The following CYSTM1 variants were observed in gnomAD, a reference collection of about 807,000 sequenced individuals.
CYSTM1 encodes cysteine-rich transmembrane module-containing protein 1.
A neutral mutation model predicts 13.1 loss-of-function variants in CYSTM1; 4 were observed. That is an observed-to-expected ratio of 0.31 (90% confidence interval 0.15 to 0.70). The LOEUF is 0.70. Among genes scored for constraint, CYSTM1 ranks in the 30% least tolerant of loss-of-function variants. The pLI is 0.72. For synonymous variants in CYSTM1, 36 were observed against 42.7 expected, an observed-to-expected ratio of 0.84 and a Z score of 0.62; for missense variants, 96 against 121.6, an observed-to-expected ratio of 0.79 and a Z score of 0.99.
At chr5:140,211,521 G>C (rs747716808) in intron 2 of CYSTM1, among the ~76,000 whole-genome samples, 29 of 152,178 alleles carry the variant, frequency 1.9e-4, no homozygotes, top group Non-Finnish European at 2.9e-5. Context: ...TCTTGTCTAT[G>C]ATCCCCCAGA....
intron 2 of CYSTM1, 101 bp downstream of exon 2, chr5:140,194,753 CT>C (rs2126657562): frequency 7.1e-7 from 1 of 1,417,104 alleles, no homozygotes. Context: ...GCCTTTGCAA[CT>C]TGTGCTTGAT....
intron 2 of CYSTM1, chr5:140,202,572 G>T (rs181299510): frequency 6.6e-6 from 1 of 152,218 alleles, no homozygotes; most frequent in Non-Finnish European, 1.5e-5. Context: ...AGGCTGGAAC[G>T]TAGATAATGA....
chr5:140,239,931 T>G lies in CYSTM1; in HGVS notation c.188-3374T>G, dbSNP rs368321157. ...GAATAGGGTGGTCTGAGACACTAGA[T>G]AGCGAATGAGGGATGAGCCTTTTGG... On this transcript the variant is annotated intron_variant, in intron 2 of 2. Coordinates refer to ENST00000261811, the MANE Select transcript of CYSTM1 (RefSeq NM_032412.4). The surrounding 1 kb of genome is among the most constrained non-coding windows in gnomAD (Gnocchi z 5.4). Among the ~76,000 whole-genome samples the G allele has an allele frequency of 2.8e-3, 428 of 152,212 alleles. 2 individuals are homozygous for G. The highest frequency in any genetic ancestry group is 0.019 in the South Asian group (91 of 4,822).
intron 1 of CYSTM1, among the ~76,000 whole-genome samples, chr5:140,176,870 C>CGAGGTTAGTCA (rs1226710493): frequency 2.0e-5 from 3 of 151,972 alleles, no homozygotes; most frequent in African/African-American, 7.3e-5. Flanking sequence ...GAGATCGAGA[C>CGAGGTTAGTCA]CATCCTGACT....
chr5:140,238,247 G>GC (rs1169359998), intron 2 of CYSTM1, among the ~76,000 whole-genome samples: 1 of 152,180 alleles, frequency 6.6e-6, no homozygotes, highest in Non-Finnish European at 1.5e-5. Context: ...AAAGGCAGCT[G>GC]CTGTTGTGGA....
intron 2 of CYSTM1, among the ~76,000 whole-genome samples, chr5:140,213,358 T>G (rs980364726): frequency 6.6e-6 from 1 of 152,304 alleles, no homozygotes; most frequent in East Asian, 1.9e-4. Context: ...ATAATATATT[T>G]ATGTTTTAAG....
chr5:140,206,881 C>T (rs1029120100), intron 2 of CYSTM1, among the ~76,000 whole-genome samples: 4 of 152,132 alleles, frequency 2.6e-5, no homozygotes, highest in African/African-American at 9.7e-5. Context: ...GTGATCTGCC[C>T]GCCTCAGACT....
chr5:140,216,938 C>T (rs976249631), intron 2 of CYSTM1, among the ~76,000 whole-genome samples: 7 of 152,116 alleles, frequency 4.6e-5, no homozygotes, highest in Admixed American at 2.0e-4. Flanking sequence ...GGGGGTTGTA[C>T]CTGAGCTTTC....
chr5:140,216,910 C>A (rs1417086750), intron 2 of CYSTM1, among the ~76,000 whole-genome samples: 1 of 151,986 alleles, frequency 6.6e-6, no homozygotes, highest in Non-Finnish European at 1.5e-5. Flanking sequence ...ACACAAAGAG[C>A]ATACGCATTC....
At chr5:140,177,403 T>C (rs928783352) in intron 1 of CYSTM1, among the ~76,000 whole-genome samples, 1 of 152,180 alleles carries the variant, frequency 6.6e-6, no homozygotes, top group African/African-American at 2.4e-5. Context: ...GAGCTGTCTA[T>C]TTTATATTGA....
At chr5:140,182,967 C>T (rs924253412) in intron 1 of CYSTM1, among the ~76,000 whole-genome samples, 2 of 152,152 alleles carry the variant, frequency 1.3e-5, no homozygotes, top group African/African-American at 4.8e-5. Flanking sequence ...GTCAGGAGAG[C>T]GTGCTTTCAT....
At chr5:140,214,545 C>A (rs902283507) in intron 2 of CYSTM1, among the ~76,000 whole-genome samples, 2 of 152,162 alleles carry the variant, frequency 1.3e-5, no homozygotes, top group Non-Finnish European at 2.9e-5. Context: ...GCTTCCAGAC[C>A]AGATGGCCTT....
At chr5:140,231,087 C>T (rs961754573) in intron 2 of CYSTM1, among the ~76,000 whole-genome samples, 5 of 152,184 alleles carry the variant, frequency 3.3e-5, no homozygotes, top group Admixed American at 2.0e-4. Context: ...GTCTTCCCAC[C>T]ATGAACAAGT....
rs570623098 is a variant in CYSTM1 at position 140,229,670 on chromosome 5, GATTT to G, written c.188-13624_188-13621del. Among the ~76,000 whole-genome samples, 617 of 149,012 alleles carry G rather than the reference GATTT, an allele frequency of 4.1e-3. 7 individuals are homozygous for G. The highest frequency in any genetic ancestry group is 8.4e-3 in the Admixed American group (124 of 14,828). ...TTAAGATATAGTCGTTAGTCCACCT[GATTT>G]ATTTATTTATCTATTTATTTATGTA... On this transcript the variant is annotated intron_variant, in intron 2 of 2. Transcript: ENST00000261811.
chr5:140,183,379 CCT>C (rs1763980604), intron 1 of CYSTM1, among the ~76,000 whole-genome samples: 2 of 152,212 alleles, frequency 1.3e-5, no homozygotes, highest in Non-Finnish European at 2.9e-5. Flanking sequence ...CTCTTTTGAG[CCT>C]CTCTCTTGCT....
chr5:140,191,848 A>G (rs1419313496), intron 1 of CYSTM1, among the ~76,000 whole-genome samples: 1 of 152,232 alleles, frequency 6.6e-6, no homozygotes, highest in African/African-American at 2.4e-5. Flanking sequence ...TTTCTGTGTT[A>G]ACCAGGGCTC....
intron 2 of CYSTM1, among the ~76,000 whole-genome samples, chr5:140,233,840 T>G (rs896484221): frequency 6.6e-6 from 1 of 152,218 alleles, no homozygotes; most frequent in African/African-American, 2.4e-5. Flanking sequence ...TGTGGACTTT[T>G]GAGAGTTGTT....
chr5:140,216,885 A>C (rs973706754), intron 2 of CYSTM1, among the ~76,000 whole-genome samples: 1 of 142,152 alleles, frequency 7.0e-6, no homozygotes, highest in African/African-American at 2.6e-5. Context: ...CTCTCCCTCT[A>C]TGACACACAC....
intron 2 of CYSTM1, among the ~76,000 whole-genome samples, chr5:140,204,298 A>G (rs923213297): frequency 7.9e-5 from 12 of 152,186 alleles, no homozygotes; most frequent in Non-Finnish European, 1.5e-5. Context: ...ACCTGAGTCC[A>G]GGAGTTCCAG....
Sources: gnomAD v4.1 joint callset for allele counts (sites outside exome capture counted in the v4.1 genomes callset) on GRCh38, gnomAD v4.1.1 for gene constraint, Gnocchi (gnomAD v3.1) non-coding constraint, MANE v1.5 for transcripts, NCBI Gene and HGNC (gene_info 2026-07-23, HGNC 2026-07-21) for gene names.